The following CFTR variants were observed in gnomAD, a reference collection of about 807,000 sequenced individuals.
CFTR encodes the protein CF transmembrane conductance regulator, also known as cystic fibrosis transmembrane conductance regulator.
Under a neutral mutation model 171.6 loss-of-function variants are expected in CFTR, and 181 were observed. That is an observed-to-expected ratio of 1.05 (90% CI 0.93 to 1.19). CFTR has a LOEUF of 1.19. Ranked by LOEUF, CFTR falls within the 50% of genes most tolerant of loss-of-function variation. The pLI, the probability that CFTR is intolerant of heterozygous loss-of-function variation, is 0.00. For synonymous variants in CFTR, 583 were observed against 608.0 expected, an observed-to-expected ratio of 0.96 and a Z score of 0.60; for missense variants, 1,968 against 1,734.7, an observed-to-expected ratio of 1.13 and a Z score of -2.39.
chr7:117,535,251 C>A lies in CFTR; in HGVS notation c.583C>A (p.Leu195Ile). Residue 195 changes from leucine to isoleucine, a missense_variant, in exon 6 of 27, where the codon CTT becomes ATT. Physicochemically the swap from Leu to Ile is conservative, Grantham distance 5. Transcript: ENST00000003084. Reference protein sequence around the residue: ...SNNLNKFDEGLALAHFVWIAP... With the variant: ...SNNLNKFDEGIALAHFVWIAP... ...TTGCTGTGCTTTTATTTTCCAGGGA[C>A]TTGCATTGGCACATTTCGTGTGGAT... 6.2e-7 allele frequency: 1 copy of A among 1,614,084 alleles called. No individual in the cohort carries two copies. Among genetic ancestry groups the A allele is most frequent in the Non-Finnish European group, 8.5e-7 (1 of 1,179,990 alleles).
intron 11 of CFTR, among the ~76,000 whole-genome samples, chr7:117,569,283 C>G (rs1791650736): frequency 6.6e-6 from 1 of 152,040 alleles, no homozygotes; most frequent in East Asian, 1.9e-4. Context: ...GGAAAACTTT[C>G]AAGAGAGTAT....
At chr7:117,568,559 A>G (rs956121403) in intron 11 of CFTR, among the ~76,000 whole-genome samples, 1 of 152,186 alleles carries the variant, frequency 6.6e-6, no homozygotes, top group African/African-American at 2.4e-5. Context: ...GATGATGCCA[A>G]TTTTTAAAAA....
chr7:117,653,059 C>T, intron 24 of CFTR, 128 bp downstream of exon 24: 1 of 710,768 alleles, frequency 1.4e-6, no homozygotes, highest in Non-Finnish European at 2.6e-6. Flanking sequence ...AATGGAGTAC[C>T]CTAACATACC....
intron 3 of CFTR, among the ~76,000 whole-genome samples, chr7:117,525,051 T>C (rs1798752965): frequency 1.3e-5 from 2 of 152,208 alleles, no homozygotes; most frequent in South Asian, 4.1e-4. Flanking sequence ...TTTTCAAAAA[T>C]ATTTCAGTAG....
intron 11 of CFTR, among the ~76,000 whole-genome samples, chr7:117,581,090 A>G (rs1212006680): frequency 6.6e-6 from 1 of 152,186 alleles, no homozygotes; most frequent in Non-Finnish European, 1.5e-5. Context: ...AGCATTGTAA[A>G]ATAAAATTAA....
chr7:117,628,494 G>A (rs1792690268), intron 22 of CFTR, among the ~76,000 whole-genome samples: 1 of 151,940 alleles, frequency 6.6e-6, no homozygotes. Context: ...TATTTTGATT[G>A]ATATTTTTTA....
chr7:117,607,440 G>A (rs1232959504), intron 18 of CFTR, among the ~76,000 whole-genome samples: 1 of 152,074 alleles, frequency 6.6e-6, no homozygotes, highest in Non-Finnish European at 1.5e-5. Flanking sequence ...GGGACATTAG[G>A]TCTCCATAAG....
At chr7:117,501,772 G>GAAAAAAAAAAAAAAAAAAAAAAAA (rs1798332750) in intron 1 of CFTR, among the ~76,000 whole-genome samples, 11 of 73,536 alleles carry the variant, frequency 1.5e-4, no homozygotes, top group Middle Eastern at 7.7e-3. Context: ...AAAAAAAAAA[G>GAAAAAAAAAAAAAAAAAAAAAAAA]AAACAAAAAA....
At chr7:117,554,887 C>G (rs1799326228) in intron 10 of CFTR, among the ~76,000 whole-genome samples, 1 of 152,012 alleles carries the variant, frequency 6.6e-6, no homozygotes, top group Non-Finnish European at 1.5e-5. Flanking sequence ...TCAAACTTGA[C>G]CAGAATGAAA....
chr7:117,613,858 T>C (rs1792441637), intron 20 of CFTR, among the ~76,000 whole-genome samples: 1 of 152,030 alleles, frequency 6.6e-6, no homozygotes, highest in Non-Finnish European at 1.5e-5. Context: ...AACTTTATAA[T>C]AATTTAAGAA....
At chr7:117,615,629 G>T (rs1473085333) in intron 21 of CFTR, among the ~76,000 whole-genome samples, 1 of 151,392 alleles carries the variant, frequency 6.6e-6, no homozygotes, top group Non-Finnish European at 1.5e-5. Context: ...CATTTTAGTT[G>T]TGTTATTTCT....
In CFTR at chr7:117,595,054, C is replaced by A. The variant is rs145714303; in HGVS notation, c.2615C>A (p.Ala872Glu). Residue 872 changes from alanine (A) to glutamate (E), a missense_variant, in exon 15 of 27, where the codon GCA becomes GAA. Transcript: ENST00000003084. Reference sequence around the variant, plus strand: ...ATTTGGTGCTTAGTAATTTTTCTGGCAGAGGTAAGAATGTTCTATTGTAAA... The same window carrying A: ...ATTTGGTGCTTAGTAATTTTTCTGGAAGAGGTAAGAATGTTCTATTGTAAA... ...VLIWCLVIFL[A>E]EVAASLVVLW... The A allele has an allele frequency of 4.3e-6, 7 of 1,611,234 alleles. No homozygotes were observed. The African/African-American group carries it at 5.4e-5, about 12-fold the overall frequency.
In CFTR at chr7:117,627,505, T is replaced by C. The variant is rs199630678; in HGVS notation, c.3469-17T>C. ...CTGCCATTCTTAAAAACAAAAATGT[T>C]GTTATTTTTATTTCAGATGCGATCT... is the stretch of plus-strand genomic sequence containing the variant. On this transcript the variant is annotated splice_polypyrimidine_tract_variant and intron_variant, in intron 21 of 26. Transcript: ENST00000003084. The C allele has an allele frequency of 8.5e-4, 1,370 of 1,612,446 alleles. 4 individuals are homozygous for C. The highest frequency in any genetic ancestry group is 3.5e-3 in the South Asian group (320 of 90,952).
At chr7:117,536,757 C>T in intron 7 of CFTR, 84 bp downstream of exon 7, 1 of 1,132,126 alleles carries the variant, frequency 8.8e-7, no homozygotes, top group Non-Finnish European at 1.3e-6. Context: ...AGACTTCCAC[C>T]TCATATTTGA....
Position 117,520,100 on chromosome 7 carries a change from A to C in CFTR, c.274-10799A>C, listed in dbSNP as rs573388502. On this transcript the variant is annotated intron_variant, in intron 3 of 26. Coordinates refer to ENST00000003084, the MANE Select transcript of CFTR (RefSeq NM_000492.4). Reference sequence around the variant, plus strand: ...TTACTTTTGGTTCCTGGTGAGTTTAATCTGTTTTTGTATATTAATTATGCA... The same window carrying C: ...TTACTTTTGGTTCCTGGTGAGTTTACTCTGTTTTTGTATATTAATTATGCA... 4.6e-5 allele frequency among the ~76,000 whole-genome samples: 7 copies of C among 151,802 alleles called. No individual in the cohort carries two copies. The East Asian group carries it at 1.4e-3, about 29-fold the overall frequency.
rs184074547 is a variant in CFTR at position 117,603,794 on chromosome 7, G to C, written c.2908+12G>C. The C allele has an allele frequency of 2.2e-5, 36 of 1,613,060 alleles. No individual in the cohort carries two copies. In the African/African-American group the frequency reaches 3.5e-4, roughly 16 times the overall value. ...CACGTTGAAAGCAGGTACTTTACTAGGTCTAAGAAATGAAACTGCTGATCC... is the reference window on the plus strand; with the variant it reads ...CACGTTGAAAGCAGGTACTTTACTACGTCTAAGAAATGAAACTGCTGATCC... On this transcript the variant is annotated intron_variant, in intron 17 of 26. Transcript: ENST00000003084.
rs1017524480 is a variant in CFTR at position 117,542,006 on chromosome 7, T to C, written c.1117-10T>C. On this transcript the variant is annotated splice_polypyrimidine_tract_variant and intron_variant, in intron 8 of 26. Coordinates refer to ENST00000003084, the MANE Select transcript of CFTR (RefSeq NM_000492.4). ...TTCTATAATATGTTTTTGCTCTCTTTTATAAATAGGATTTCTTACAAAAGC... is the reference window on the plus strand; with the variant it reads ...TTCTATAATATGTTTTTGCTCTCTTCTATAAATAGGATTTCTTACAAAAGC... The C allele has an allele frequency of 7.3e-7, 1 of 1,377,610 alleles. No homozygotes were observed. Among genetic ancestry groups the C allele is most frequent in the Non-Finnish European group, 1.0e-6 (1 of 965,052 alleles). 85.3% of individuals were successfully genotyped at this position (1,377,610 alleles called of 1,614,324 possible). A position where few individuals can be genotyped will look rare whatever the true frequency, so the allele number is the denominator to read the frequency against.
chr7:117,501,413 T>G (rs138998328), intron 1 of CFTR, among the ~76,000 whole-genome samples: 10 of 151,980 alleles, frequency 6.6e-5, no homozygotes, highest in African/African-American at 2.2e-4. Flanking sequence ...TTATTTCAAC[T>G]TATAATTAAA....
At chr7:117,610,157 A>T (rs1043302075) in intron 18 of CFTR, among the ~76,000 whole-genome samples, 1 of 143,520 alleles carries the variant, frequency 7.0e-6, no homozygotes, top group Non-Finnish European at 1.5e-5. Flanking sequence ...AACACCGCAT[A>T]TTCTCACTCA....
Sources: gnomAD v4.1 joint callset for allele counts (sites outside exome capture counted in the v4.1 genomes callset) on GRCh38, gnomAD v4.1.1 for gene constraint, MANE v1.5 for transcripts, NCBI Gene and HGNC (gene_info 2026-07-23, HGNC 2026-07-21) for gene names.